Variants in MRTFA observed in about 807,000 individuals in gnomAD.
MRTFA encodes myocardin related transcription factor A.
In MRTFA, 20 loss-of-function variants were observed where a neutral mutation model predicts 83.5. That is an observed-to-expected ratio of 0.24 (90% CI 0.17 to 0.35). The LOEUF is 0.35. MRTFA is among the 10% of genes least tolerant of loss of function. MRTFA has a pLI of 1.00. For synonymous variants in MRTFA, 659 were observed against 541.2 expected (o/e 1.22, Z -3.02); for missense variants, 1,200 against 1,224.7 (o/e 0.98, Z 0.30).
intron 6 of MRTFA, among the ~76,000 whole-genome samples, chr22:40,430,732 C>T (rs2053051009): frequency 6.6e-6 from 1 of 151,684 alleles, no homozygotes; most frequent in South Asian, 2.1e-4. Flanking sequence ...TGGTGGCGCT[C>T]GTCTGTAATC....
intron 1 of MRTFA, among the ~76,000 whole-genome samples, chr22:40,634,797 T>C (rs1253730252): frequency 1.3e-5 from 2 of 152,222 alleles, no homozygotes; most frequent in Non-Finnish European, 2.9e-5. Flanking sequence ...GAGATTCTAT[T>C]TCATACTCTT....
At chr22:40,506,182 CGA>C (rs1249415255) in intron 3 of MRTFA, among the ~76,000 whole-genome samples, 3 of 151,956 alleles carry the variant, frequency 2.0e-5, no homozygotes, top group African/African-American at 7.3e-5. Context: ...TGCAGTGAGC[CGA>C]GATTGTGCCA....
chr22:40,513,780 A>G (rs182877635), intron 3 of MRTFA, among the ~76,000 whole-genome samples: 11 of 152,210 alleles, frequency 7.2e-5, no homozygotes, highest in South Asian at 2.1e-4. Context: ...GTGCTTTTAA[A>G]TATGTGCTAG....
chr22:40,563,193 A>C (rs2055654836), intron 2 of MRTFA, among the ~76,000 whole-genome samples: 1 of 152,088 alleles, frequency 6.6e-6, no homozygotes, highest in Non-Finnish European at 1.5e-5. Flanking sequence ...CTTTACTGTG[A>C]CTGCCTAGAA....
intron 2 of MRTFA, among the ~76,000 whole-genome samples, chr22:40,560,637 A>C (rs1005576472): frequency 4.2e-4 from 64 of 152,308 alleles, no homozygotes; most frequent in African/African-American, 1.4e-3. Context: ...ACTGAGTCTA[A>C]GTTCATACTT....
At chr22:40,621,454 G>T (rs984951293) in intron 1 of MRTFA, among the ~76,000 whole-genome samples, 11 of 152,146 alleles carry the variant, frequency 7.2e-5, no homozygotes, top group Non-Finnish European at 1.2e-4. Flanking sequence ...GTGGTTCACA[G>T]GGGCTGGGGA....
chr22:40,564,004 G>A (rs1193564682), intron 2 of MRTFA, among the ~76,000 whole-genome samples: 1 of 152,116 alleles, frequency 6.6e-6, no homozygotes, highest in Non-Finnish European at 1.5e-5. Context: ...TGCAAAGAAG[G>A]GAACGACCAT....
intron 3 of MRTFA, among the ~76,000 whole-genome samples, chr22:40,493,688 A>G (rs2054306316): frequency 6.6e-6 from 1 of 152,220 alleles, no homozygotes; most frequent in African/African-American, 2.4e-5. Flanking sequence ...AAGGATGAGG[A>G]GCAACTGGAA....
rs1461532437 is a variant in MRTFA, at chr22:40,536,447, G to A, written c.241+15659C>T. ...GCGGCTGGAGGAGCGGACGGGCCCCGCGGGGCCCGAGGGCAAGGAGCAGCC... is the reference window on the plus strand; with the variant it reads ...GCGGCTGGAGGAGCGGACGGGCCCCACGGGGCCCGAGGGCAAGGAGCAGCC... On this transcript the variant is annotated intron_variant, in intron 3 of 14. Transcript: ENST00000355630. 1.0e-4 allele frequency among the ~76,000 whole-genome samples: 15 copies of A among 148,102 alleles called. No individual in the cohort carries two copies. In the South Asian group the frequency reaches 1.1e-3, roughly 11 times the overall value.
At position 40,447,136 on chromosome 22, in the gene MRTFA, G is replaced by T. The variant is rs144392382; in HGVS notation, c.308-11582C>A. The stretch of plus-strand genomic sequence containing the variant: ...TTTGGGAGGCCAAGGCAAGCAGATC[G>T]CTTGAGGTCAGAAGTTCAAGACCAG... On this transcript the variant is annotated intron_variant, in intron 4 of 14. Transcript: ENST00000355630. Among the ~76,000 whole-genome samples, 246 of 151,952 alleles carry T rather than the reference G, an allele frequency of 1.6e-3. 4 individuals carry two copies. The highest frequency in any genetic ancestry group is 0.012 in the South Asian group (57 of 4,814).
At chr22:40,528,133 A>C (rs2055010955) in intron 3 of MRTFA, among the ~76,000 whole-genome samples, 1 of 152,150 alleles carries the variant, frequency 6.6e-6, no homozygotes, top group South Asian at 2.1e-4. Flanking sequence ...ACAGAGTAAG[A>C]TAAGATGGAG....
At chr22:40,627,384 G>A (rs2056594348) in intron 1 of MRTFA, among the ~76,000 whole-genome samples, 2 of 152,180 alleles carry the variant, frequency 1.3e-5, no homozygotes, top group South Asian at 4.1e-4. Flanking sequence ...AAAGTGCTGG[G>A]ATTACAGGTG....
chr22:40,540,259 T>C (rs150963989), intron 3 of MRTFA, among the ~76,000 whole-genome samples: 3 of 152,306 alleles, frequency 2.0e-5, no homozygotes, highest in African/African-American at 7.2e-5. Context: ...TAGTGTGTAC[T>C]TGAGCACTGT....
At chr22:40,483,866 T>C (rs117131408) in intron 3 of MRTFA, among the ~76,000 whole-genome samples, 44 of 151,964 alleles carry the variant, frequency 2.9e-4, no homozygotes, top group Non-Finnish European at 5.0e-4. Context: ...GACCAATTTT[T>C]GCTTTTTGGG....
chr22:40,420,361 A>G, intron 11 of MRTFA, 44 bp downstream of exon 11: 1 of 1,589,908 alleles, frequency 6.3e-7, no homozygotes, highest in Non-Finnish European at 8.6e-7. Context: ...CCCTGTGGGA[A>G]GGGCCAGGCT....
chr22:40,518,495 C>T (rs750207487), intron 3 of MRTFA, among the ~76,000 whole-genome samples: 1 of 151,074 alleles, frequency 6.6e-6, no homozygotes, highest in Non-Finnish European at 1.5e-5. Flanking sequence ...TAGTAGAGTA[C>T]AGAAAAAAAC....
chr22:40,584,629 G>A (rs1444693594), intron 2 of MRTFA, among the ~76,000 whole-genome samples: 3 of 151,768 alleles, frequency 2.0e-5, no homozygotes, highest in Admixed American at 6.6e-5. Context: ...CCAGCTACTC[G>A]GGAGACCGTA....
At chr22:40,592,351 G>A (rs909351535) in intron 2 of MRTFA, among the ~76,000 whole-genome samples, 1 of 151,284 alleles carries the variant, frequency 6.6e-6, no homozygotes, top group Non-Finnish European at 1.5e-5. Flanking sequence ...CGGAGGCTGA[G>A]GCAGAAGGAT....
chr22:40,635,810 C>T (rs1016268926), intron 1 of MRTFA, among the ~76,000 whole-genome samples: 3 of 152,126 alleles, frequency 2.0e-5, no homozygotes, highest in Non-Finnish European at 2.9e-5. Context: ...ATTTTTCAGA[C>T]GAGGAAACCA....
Sources: allele counts gnomAD v4.1 joint callset (sites outside exome capture counted in the v4.1 genomes callset), GRCh38; gene constraint gnomAD v4.1.1; transcripts MANE v1.5; gene names NCBI Gene and HGNC (gene_info 2026-07-23, HGNC 2026-07-21).